The following LETMD1 variants were observed in gnomAD, a reference collection of about 807,000 sequenced individuals.
LETMD1 encodes LETM1 domain containing 1.
Under a neutral mutation model 43.9 loss-of-function variants are expected in LETMD1, and 30 were observed. That is an observed-to-expected ratio of 0.68 (90% CI 0.51 to 0.93). LETMD1 has a LOEUF of 0.93. LETMD1 is among the 40% of genes least tolerant of loss of function. The pLI is 0.00. For synonymous variants in LETMD1, 176 were observed against 163.1 expected, an observed-to-expected ratio of 1.08 and a Z score of -0.60; for missense variants, 413 against 447.7, an observed-to-expected ratio of 0.92 and a Z score of 0.70.
downstream of LETMD1, chr12:51,062,479 G>C (rs1950896776): frequency 6.6e-6 from 1 of 152,192 alleles, no homozygotes; most frequent in Admixed American, 6.5e-5. Flanking sequence ...TCCTGACAGA[G>C]GTAAGAACTG....
At position 51,059,498 on chromosome 12, in the gene LETMD1, C is replaced by A; in HGVS notation, c.*67C>A. On this transcript the variant is annotated 3_prime_UTR_variant, in exon 9 of 9. Coordinates refer to ENST00000262055, the MANE Select transcript of LETMD1 (RefSeq NM_015416.5). ...TATAGCAGTGCAGGAACAAACAGCA[C>A]TTGCCAGCAAAGTCTGTGTGTACTG... The A allele has an allele frequency of 7.1e-7, 1 of 1,403,810 alleles. No individual in the cohort carries two copies. Among genetic ancestry groups the A allele is most frequent in the Non-Finnish European group, 1.0e-6 (1 of 989,250 alleles). The allele number at this position is 1,403,810 out of a possible 1,614,324, so 87.0% of individuals were successfully genotyped here.
downstream of LETMD1, chr12:51,061,280 A>G (rs935925083): frequency 6.6e-6 from 1 of 152,638 alleles, no homozygotes; most frequent in African/African-American, 2.4e-5. Flanking sequence ...TAAAGAACCT[A>G]AAGGGGAAAA....
chr12:51,052,462 A>C, intron 3 of LETMD1: 1 of 441,904 alleles, frequency 2.3e-6, no homozygotes, highest in Non-Finnish European at 4.0e-6. Context: ...AAATACTAAA[A>C]TCTAATTAGT....
downstream of LETMD1, chr12:51,063,788 C>T: frequency 1.3e-6 from 2 of 1,593,826 alleles, no homozygotes; most frequent in Non-Finnish European, 8.5e-7. Context: ...CTTCAGGGGG[C>T]CGATCCTCAT....
At chr12:51,054,048 G>A (rs1461994566) in intron 4 of LETMD1, among the ~76,000 whole-genome samples, 188 bp downstream of exon 4, 1 of 152,124 alleles carries the variant, frequency 6.6e-6, no homozygotes, top group Non-Finnish European at 1.5e-5. Context: ...ACACATCACA[G>A]CTATAAGTGT....
At chr12:51,052,330 A>G in intron 3 of LETMD1, 123 bp downstream of exon 3, 1 of 1,165,528 alleles carries the variant, frequency 8.6e-7, no homozygotes, top group South Asian at 1.6e-5. Context: ...TTGCCGTGAG[A>G]ACAAAATATT....
chr12:51,059,484 A>C lies in LETMD1; in HGVS notation c.*53A>C. On this transcript the variant is annotated 3_prime_UTR_variant, in exon 9 of 9. Coordinates refer to ENST00000262055, the MANE Select transcript of LETMD1 (RefSeq NM_015416.5). ...CTGCAGTCGTATAGTATAGCAGTGC[A>C]GGAACAAACAGCACTTGCCAGCAAA... The C allele has an allele frequency of 2.0e-6, 3 of 1,495,824 alleles. No homozygotes were observed. The highest frequency in any genetic ancestry group is 1.7e-4 in the Middle Eastern group (1 of 5,854). The allele number at this position is 1,495,824 out of a possible 1,614,324, so 92.7% of individuals were successfully genotyped here. A position where few individuals can be genotyped will look rare whatever the true frequency, so the allele number is the denominator to read the frequency against.
Position 51,059,341 on chromosome 12 carries a change from C to G in LETMD1, c.1013-20C>G, listed in dbSNP as rs771123544. 3 of 1,612,452 alleles carry G rather than the reference C, an allele frequency of 1.9e-6. No individual in the cohort carries two copies. In the East Asian group the frequency reaches 6.7e-5, roughly 36 times the overall value. ...ATAAGGCAGTGTTCCCAAGCCAAACCACTAACACTGTGTTTTCAGAAGCTG... is the reference window on the plus strand; with the variant it reads ...ATAAGGCAGTGTTCCCAAGCCAAACGACTAACACTGTGTTTTCAGAAGCTG... On this transcript the variant is annotated intron_variant, in intron 8 of 8. Coordinates refer to ENST00000262055, the MANE Select transcript of LETMD1 (RefSeq NM_015416.5).
chr12:51,051,462 C>G (rs915587027), intron 2 of LETMD1, among the ~76,000 whole-genome samples: 1 of 151,638 alleles, frequency 6.6e-6, no homozygotes, highest in Non-Finnish European at 1.5e-5. Context: ...AATCCCAGCA[C>G]TTTGGGAGGC....
At chr12:51,052,053 G>A (rs747788633) in intron 2 of LETMD1, 39 bp from the exon 3 acceptor site, 2 of 1,578,406 alleles carry the variant, frequency 1.3e-6, no homozygotes, top group East Asian at 2.3e-5. Context: ...ATTTAAACTG[G>A]GATAACATCA....
downstream of LETMD1, chr12:51,064,720 A>G (rs747120797): frequency 4.2e-6 from 6 of 1,436,502 alleles, no homozygotes; most frequent in African/African-American, 8.5e-5. Flanking sequence ...AATCCTAACA[A>G]TGGAGACAGG....
At chr12:51,055,685 A>T in intron 4 of LETMD1, 150 bp from the exon 5 acceptor site, 1 of 444,534 alleles carries the variant, frequency 2.2e-6, no homozygotes, top group Non-Finnish European at 4.0e-6. Context: ...AAAAAAAAAA[A>T]AAAAACTGAA....
At chr12:51,067,040 G>A in the LETMD1 span, among the ~76,000 whole-genome samples, 5 of 152,208 alleles carry the variant, frequency 3.3e-5, no homozygotes, top group South Asian at 1.0e-3. The surrounding 1 kb of genome is among the most constrained non-coding windows in gnomAD (Gnocchi z 4.1). Context: ...ATGTTGCCCA[G>A]GCTGGTCTCG....
chr12:51,057,926 G>A, intron 7 of LETMD1, 106 bp from the exon 8 acceptor site: 1 of 884,278 alleles, frequency 1.1e-6, no homozygotes, highest in Non-Finnish European at 1.9e-6. Flanking sequence ...TGCCCGGTGA[G>A]ATTGTAACTT....
intron 7 of LETMD1, chr12:51,057,039 A>G (rs1947930068): frequency 6.5e-6 from 1 of 154,058 alleles, no homozygotes; most frequent in Non-Finnish European, 1.4e-5. Context: ...AAGTGCTGGG[A>G]ATACAGCCGT....
At chr12:51,063,846 C>A, downstream of LETMD1, 1 of 1,613,842 alleles carries the variant, frequency 6.2e-7, no homozygotes, top group East Asian at 2.2e-5. Context: ...ATTGTCCGTG[C>A]GGAAGGGGAG....
Position 51,056,184 on chromosome 12 carries a change from C to T in LETMD1, c.701C>T (p.Ala234Val), listed in dbSNP as rs763734312. 2.5e-6 allele frequency: 4 copies of T among 1,614,120 alleles called. No individual in the cohort carries two copies. In the African/African-American group the frequency reaches 5.3e-5, roughly 22 times the overall value. The change falls in exon 6 of 9, where the codon GCT becomes GTT. Residue 234 changes from alanine (A) to valine (V), a missense_variant. By Grantham distance (64) the Ala-to-Val change is moderately conservative. Transcript: ENST00000262055. The stretch of plus-strand genomic sequence containing the variant: ...CACCCAGCAATACATGATATCTTGG[C>T]TCTGAGAGAGTGTTTCTCTAACCAT... ...GTHPAIHDIL[A>V]LRECFSNHPL...
intron 4 of LETMD1, among the ~76,000 whole-genome samples, chr12:51,054,639 C>A (rs962511738): frequency 6.6e-6 from 1 of 152,106 alleles, no homozygotes; most frequent in Non-Finnish European, 1.5e-5. Context: ...GACTTTATAA[C>A]CTTGTCTTGA....
downstream of LETMD1, chr12:51,061,886 C>G (rs1375167712): frequency 6.6e-6 from 1 of 152,118 alleles, no homozygotes; most frequent in Non-Finnish European, 1.5e-5. Context: ...CCCAATTAAG[C>G]TTCAGTCCTG....
Sources: allele counts gnomAD v4.1 joint callset (sites outside exome capture counted in the v4.1 genomes callset), GRCh38; gene constraint gnomAD v4.1.1; non-coding constraint Gnocchi (gnomAD v3.1); transcripts MANE v1.5; gene names NCBI Gene and HGNC (gene_info 2026-07-23, HGNC 2026-07-21).